NFIB: variants seen among roughly 807,000 people sequenced by gnomAD.
The protein encoded by NFIB is nuclear factor I B.
In NFIB, 11 loss-of-function variants were observed where a neutral mutation model predicts 61.5. That is an observed-to-expected ratio of 0.18 (90% confidence interval 0.11 to 0.30). The LOEUF (loss-of-function observed/expected upper bound fraction) is 0.30, where lower values mean the gene tolerates loss of function less well. NFIB is among the 10% of genes least tolerant of loss of function. The pLI, the probability that NFIB is intolerant of heterozygous loss-of-function variation, is 1.00. For synonymous variants in NFIB, 260 were observed against 216.5 expected (o/e 1.20, Z -1.76); for missense variants, 471 against 608.9 (o/e 0.77, Z 2.38).
chr9:14,253,409 G>A (rs1443661065), intron 2 of NFIB, among the ~76,000 whole-genome samples: 3 of 152,204 alleles, frequency 2.0e-5, no homozygotes, highest in Non-Finnish European at 4.4e-5. Context: ...GGCTGGAAAT[G>A]TACAGAGGCA....
intron 2 of NFIB, among the ~76,000 whole-genome samples, chr9:14,259,537 G>T (rs1482881438): frequency 6.6e-6 from 1 of 152,104 alleles, no homozygotes; most frequent in Non-Finnish European, 1.5e-5. Context: ...TGGGCCCATG[G>T]GGCTTAGACT....
the NFIB span, among the ~76,000 whole-genome samples, chr9:14,527,796 C>T: frequency 6.6e-6 from 1 of 152,236 alleles, no homozygotes; most frequent in African/African-American, 2.4e-5. Flanking sequence ...TTAGTTTCTA[C>T]CACATTTCTA....
intron 1 of NFIB, among the ~76,000 whole-genome samples, chr9:14,334,668 T>A (rs12353165): frequency 0.073 from 11,126 of 152,012 alleles, 639 homozygotes; most frequent in African/African-American, 0.15. Context: ...ATATTTTTTT[T>A]AAAAAAACAT....
chr9:14,392,850 T>A (rs931975632), intron 1 of NFIB, among the ~76,000 whole-genome samples: 1 of 152,254 alleles, frequency 6.6e-6, no homozygotes, highest in African/African-American at 2.4e-5. Context: ...GCAACTATTA[T>A]TGGTTAGCAT....
chr9:14,376,010 A>G (rs4741365), intron 1 of NFIB, among the ~76,000 whole-genome samples: 132,159 of 152,240 alleles, frequency 0.87, 57,444 homozygotes, highest in Middle Eastern at 0.94. Context: ...AAATACTTTC[A>G]CACATCACTG....
At chr9:14,295,294 TA>T (rs886581751) in intron 2 of NFIB, among the ~76,000 whole-genome samples, 1 of 152,182 alleles carries the variant, frequency 6.6e-6, no homozygotes, top group African/African-American at 2.4e-5. Flanking sequence ...TTTCGGACTT[TA>T]AAAAGAGTCT....
intron 3 of NFIB, among the ~76,000 whole-genome samples, chr9:14,167,122 G>A (rs1366014123): frequency 4.1e-5 from 6 of 147,210 alleles, no homozygotes; most frequent in African/African-American, 1.5e-4. Flanking sequence ...ATTCAGTAAT[G>A]TAAACTAATT....
intron 1 of NFIB, among the ~76,000 whole-genome samples, chr9:14,346,865 C>T (rs1398817815): frequency 6.6e-6 from 1 of 152,114 alleles, no homozygotes; most frequent in African/African-American, 2.4e-5. Flanking sequence ...TCAACTGCTA[C>T]CTATTGCTGT....
intron 2 of NFIB, among the ~76,000 whole-genome samples, chr9:14,214,256 C>T (rs1587660947): frequency 6.6e-6 from 1 of 152,326 alleles, no homozygotes. Context: ...AGGTCCTGAG[C>T]ATGCTCAAGG....
chr9:14,437,814 G>T, the NFIB span, among the ~76,000 whole-genome samples: 8 of 152,202 alleles, frequency 5.3e-5, no homozygotes, highest in Non-Finnish European at 1.0e-4. Context: ...CTCGCTGGGG[G>T]TAGGGAAATG....
Position 14,176,286 on chromosome 9 carries a change from G to A in NFIB, c.616+3441C>T, listed in dbSNP as rs2046187352. ...AAAAAAAAAAAAAAACAAAGAAGAA[G>A]AAGTGAATATAAATATATAACTTCT... On this transcript the variant is annotated intron_variant, in intron 3 of 10. Transcript: ENST00000380953. 2.7e-5 allele frequency among the ~76,000 whole-genome samples: 4 copies of A among 146,322 alleles called. No individual in the cohort carries two copies. The South Asian group carries it at 6.6e-4, about 24-fold the overall frequency.
rs931298186 is a variant in NFIB at position 14,147,685 on chromosome 9, G to A, written c.807-878C>T. Reference sequence around the variant, plus strand: ...GACTGGGTCTCACTCTTTCACCTACGATGTAGTACACTGTGGCTCAATCTT... The same window carrying A: ...GACTGGGTCTCACTCTTTCACCTACAATGTAGTACACTGTGGCTCAATCTT... On this transcript the variant is annotated intron_variant, in intron 5 of 10. Coordinates refer to ENST00000380953, the MANE Select transcript of NFIB (RefSeq NM_001190737.2). 1.2e-4 allele frequency among the ~76,000 whole-genome samples: 14 copies of A among 119,634 alleles called. No individual in the cohort carries two copies. The East Asian group carries it at 3.4e-3, about 29-fold the overall frequency. 78.5% of individuals were successfully genotyped at this position (119,634 alleles called of 152,430 possible). A position where few individuals can be genotyped will look rare whatever the true frequency, so the allele number is the denominator to read the frequency against.
At chr9:14,183,261 T>C (rs1291909512) in intron 2 of NFIB, among the ~76,000 whole-genome samples, 2 of 152,098 alleles carry the variant, frequency 1.3e-5, no homozygotes, top group Non-Finnish European at 2.9e-5. Flanking sequence ...TCTTCAAGGC[T>C]CTTAGCAGCT....
At chr9:14,479,784 G>C in the NFIB span, among the ~76,000 whole-genome samples, 3 of 152,120 alleles carry the variant, frequency 2.0e-5, no homozygotes, top group African/African-American at 7.2e-5. Context: ...CAAATGTAAG[G>C]CTTTGTTAAT....
chr9:14,254,857 A>C (rs2056059819), intron 2 of NFIB, among the ~76,000 whole-genome samples: 1 of 152,156 alleles, frequency 6.6e-6, no homozygotes, highest in Non-Finnish European at 1.5e-5. Context: ...TAGAGGCCTA[A>C]ATAATAATAA....
At chr9:14,404,264 G>A in the NFIB span, among the ~76,000 whole-genome samples, 2 of 152,128 alleles carry the variant, frequency 1.3e-5, no homozygotes, top group East Asian at 1.9e-4. Flanking sequence ...AAGCATAGGT[G>A]AGCATATCTA....
At chr9:14,136,381 G>A (rs1290531838) in intron 6 of NFIB, among the ~76,000 whole-genome samples, 1 of 152,006 alleles carries the variant, frequency 6.6e-6, no homozygotes, top group Non-Finnish European at 1.5e-5. Context: ...ATGCCTCTCG[G>A]GAAAACCTCT....
chr9:14,324,934 T>C (rs2132834596), intron 1 of NFIB, among the ~76,000 whole-genome samples: 1 of 152,260 alleles, frequency 6.6e-6, no homozygotes, highest in Admixed American at 6.5e-5. Context: ...TCTTGCTAAT[T>C]TTTAGTTACC....
the NFIB span, among the ~76,000 whole-genome samples, chr9:14,406,616 C>T: frequency 2.6e-4 from 40 of 152,242 alleles, 2 homozygotes; most frequent in African/African-American, 9.1e-4. Flanking sequence ...CTAGCTGTTC[C>T]TCTTTCTTAC....
Sources: gnomAD v4.1 joint callset for allele counts (sites outside exome capture counted in the v4.1 genomes callset) on GRCh38, gnomAD v4.1.1 for gene constraint, MANE v1.5 for transcripts, NCBI Gene and HGNC (gene_info 2026-07-23, HGNC 2026-07-21) for gene names.